The following HEXA variants were observed in gnomAD, a reference collection of about 807,000 sequenced individuals.
The protein encoded by HEXA is beta-hexosaminidase subunit alpha.
HEXA carries 54 observed loss-of-function variants against 73.3 expected under a neutral mutation model. The observed-to-expected ratio is 0.74, with a 90% CI of 0.59 to 0.92. The LOEUF is 0.92. Among genes scored for constraint, HEXA ranks in the 40% least tolerant of loss-of-function variants. The pLI is 0.00. For missense variants in HEXA, 649 were observed against 653.0 expected (o/e 0.99, Z 0.07); for synonymous variants, 230 against 246.9 (o/e 0.93, Z 0.64).
At position 72,346,234 on chromosome 15, in the gene HEXA, C is replaced by G. The variant is rs147324677; in HGVS notation, c.1421+1G>C. On this transcript the variant is annotated splice_donor_variant, in intron 12 of 13. Coordinates refer to ENST00000268097, the MANE Select transcript of HEXA (RefSeq NM_000520.6). LOFTEE classifies it high-confidence loss of function. ...TCCACCTCCCCCCCGAAAACCCTTA[C>G]CAGAGCCTGGGGACCAGGTTTGTGT... 6.8e-5 allele frequency: 109 copies of G among 1,612,550 alleles called. No individual in the cohort carries two copies. Among genetic ancestry groups the G allele is most frequent in the Non-Finnish European group, 5.9e-6 (7 of 1,178,898 alleles).
intron 1 of HEXA, among the ~76,000 whole-genome samples, chr15:72,373,664 C>G (rs1322015968): frequency 6.6e-6 from 1 of 152,048 alleles, no homozygotes; most frequent in Non-Finnish European, 1.5e-5. Context: ...CTTGATTAAA[C>G]TATGGTGCTA....
intron 1 of HEXA, among the ~76,000 whole-genome samples, chr15:72,365,921 G>A (rs2088910879): frequency 6.6e-6 from 1 of 151,984 alleles, no homozygotes; most frequent in South Asian, 2.1e-4. Flanking sequence ...AACCCCCTTT[G>A]CTCACTTCTG....
chr15:72,374,787 A>G (rs1202287370), intron 1 of HEXA, among the ~76,000 whole-genome samples: 2 of 152,130 alleles, frequency 1.3e-5, no homozygotes, highest in African/African-American at 4.8e-5. Flanking sequence ...AGCCCCTTCC[A>G]TTTTATGTGA....
At chr15:72,368,708 A>G (rs1401453352) in intron 1 of HEXA, among the ~76,000 whole-genome samples, 1 of 152,196 alleles carries the variant, frequency 6.6e-6, no homozygotes, top group African/African-American at 2.4e-5. Flanking sequence ...TGAAGGCTTC[A>G]CTACTGTGAG....
intron 1 of HEXA, among the ~76,000 whole-genome samples, chr15:72,373,597 CTT>C (rs2089020485): frequency 6.6e-6 from 1 of 152,208 alleles, no homozygotes; most frequent in Non-Finnish European, 1.5e-5. Context: ...CTCTAAATCT[CTT>C]TTGTTAGGGA....
At chr15:72,365,707 T>C (rs142440542) in intron 1 of HEXA, among the ~76,000 whole-genome samples, 12 of 152,340 alleles carry the variant, frequency 7.9e-5, no homozygotes, top group East Asian at 3.9e-4. Context: ...TTTTTCCCAA[T>C]TGGATAACCA....
Position 72,375,800 on chromosome 15 carries a change from C to A in HEXA, c.173G>T (p.Cys58Phe), listed in dbSNP as rs387906949. 3.1e-6 allele frequency: 5 copies of A among 1,614,108 alleles called. No individual in the cohort carries two copies. The highest frequency in any genetic ancestry group is 4.2e-6 in the Non-Finnish European group (5 of 1,180,038). ...CTGGAAGGCCTCGTCGAGGACTGAG[C>A]AGCCGGGCTGCGCGGCCGAGCTGAC... ...YDVSSAAQPGCSVLDEAFQRY... is the reference protein window; with the variant it reads ...YDVSSAAQPGFSVLDEAFQRY... The change falls in exon 1 of 14, where the codon TGC (cysteine) becomes TTC (phenylalanine). Residue 58 changes from cysteine to phenylalanine, a missense_variant. Coordinates refer to ENST00000268097, the MANE Select transcript of HEXA (RefSeq NM_000520.6).
intron 1 of HEXA, chr15:72,356,868 G>GCT: frequency 1.7e-6 from 1 of 589,982 alleles, no homozygotes; most frequent in Non-Finnish European, 3.1e-6. Flanking sequence ...CTTAACCAGG[G>GCT]CTCTATATTT....
At chr15:72,363,359 T>C (rs2088876175) in intron 1 of HEXA, among the ~76,000 whole-genome samples, 1 of 152,170 alleles carries the variant, frequency 6.6e-6, no homozygotes, top group Non-Finnish European at 1.5e-5. Context: ...AATAGCCACG[T>C]CCAGGAAAGG....
At chr15:72,366,862 A>G (rs2140336929) in intron 1 of HEXA, among the ~76,000 whole-genome samples, 1 of 152,158 alleles carries the variant, frequency 6.6e-6, no homozygotes, top group Non-Finnish European at 1.5e-5. Context: ...TTTGCTTGAT[A>G]CCTCATAGTC....
chr15:72,360,911 T>G (rs1448698263), intron 1 of HEXA, among the ~76,000 whole-genome samples: 1 of 152,212 alleles, frequency 6.6e-6, no homozygotes, highest in African/African-American at 2.4e-5. Flanking sequence ...CAGTGCCTGG[T>G]ACCTCCTATG....
At chr15:72,344,970 G>C (rs1219542502) in intron 13 of HEXA, among the ~76,000 whole-genome samples, 1 of 152,210 alleles carries the variant, frequency 6.6e-6, no homozygotes. Flanking sequence ...AAATGCACCT[G>C]TCTCATGGGG....
chr15:72,355,842 T>C (rs2088770477), intron 2 of HEXA: 1 of 604,378 alleles, frequency 1.7e-6, no homozygotes, highest in Non-Finnish European at 3.1e-6. Context: ...AGTGACTCTG[T>C]AGACCCTGGA....
At chr15:72,348,353 A>G (rs1457504822) in intron 8 of HEXA, among the ~76,000 whole-genome samples, 1 of 152,202 alleles carries the variant, frequency 6.6e-6, no homozygotes, top group Non-Finnish European at 1.5e-5. Context: ...CTGGACCTGA[A>G]GAGTTTTAAG....
At position 72,376,001 on chromosome 15, in the gene HEXA, G is replaced by A. The variant is rs959359802; in HGVS notation, c.-29C>T. 1.9e-6 allele frequency: 3 copies of A among 1,609,304 alleles called. No homozygotes were observed. Among genetic ancestry groups the A allele is most frequent in the Non-Finnish European group, 2.5e-6 (3 of 1,179,930 alleles). ...CCGCTGGTCTCCCCTCTCGGAGGGGGCTGGCCACGTGAGACCCTGGTCAGG... is the reference window on the plus strand; with the variant it reads ...CCGCTGGTCTCCCCTCTCGGAGGGGACTGGCCACGTGAGACCCTGGTCAGG... On this transcript the variant is annotated 5_prime_UTR_variant, in exon 1 of 14. Coordinates refer to ENST00000268097, the MANE Select transcript of HEXA (RefSeq NM_000520.6).
At chr15:72,358,957 ACT>A (rs2088818758) in intron 1 of HEXA, 1 of 152,454 alleles carries the variant, frequency 6.6e-6, no homozygotes, top group African/African-American at 2.4e-5. Context: ...CACCCTGAAC[ACT>A]GAGAAGCACC....
In HEXA at chr15:72,350,587, C is replaced by A. The variant is rs758166013; in HGVS notation, c.736G>T (p.Ala246Ser). ...AQDVKEVIEY[A>S]RLRGIRVLAE... Reference sequence around the variant, plus strand: ...AGCACACGGATACCCCGGAGCCGTGCGTATTCAATGACCTCCTTCACATCC... The same window carrying A: ...AGCACACGGATACCCCGGAGCCGTGAGTATTCAATGACCTCCTTCACATCC... Residue 246 changes from alanine to serine, a missense_variant, in exon 7 of 14, where the codon GCA (alanine) becomes TCA (serine). Physicochemically the swap from Ala to Ser is moderately conservative, Grantham distance 99. Coordinates refer to ENST00000268097, the MANE Select transcript of HEXA (RefSeq NM_000520.6). 1.5e-5 allele frequency: 24 copies of A among 1,613,736 alleles called. No homozygotes were observed. The highest frequency in any genetic ancestry group is 1.9e-5 in the Non-Finnish European group (23 of 1,179,770).
At chr15:72,345,404 T>C (rs1452385380) in intron 13 of HEXA, 42 bp downstream of exon 13, 7 of 1,613,208 alleles carry the variant, frequency 4.3e-6, no homozygotes, top group African/African-American at 4.0e-5. Context: ...CAGCCCTGGA[T>C]CTGGCCTGCT....
intron 13 of HEXA, 65 bp downstream of exon 13, chr15:72,345,381 C>T: frequency 6.2e-7 from 1 of 1,606,668 alleles, no homozygotes; most frequent in Non-Finnish European, 8.5e-7. Context: ...CTTCCTCTCT[C>T]TAAGGGGTTC....
Sources: gnomAD v4.1 joint callset for allele counts (sites outside exome capture counted in the v4.1 genomes callset) on GRCh38, gnomAD v4.1.1 for gene constraint, MANE v1.5 for transcripts, NCBI Gene and HGNC (gene_info 2026-07-23, HGNC 2026-07-21) for gene names.